ASB3: variants seen among roughly 807,000 people sequenced by gnomAD.
The protein encoded by ASB3 is ankyrin repeat and SOCS box protein 3.
A neutral mutation model predicts 54.5 loss-of-function variants in ASB3; 41 were observed. The ratio of observed to expected loss-of-function variants is 0.75; its 90% CI spans 0.59 to 0.98. ASB3 has a LOEUF of 0.98. Among genes scored for constraint, ASB3 ranks in the 50% least tolerant of loss-of-function variants. The pLI is 0.00. For synonymous variants in ASB3, 266 were observed against 221.2 expected, an observed-to-expected ratio of 1.20 and a Z score of -1.80; for missense variants, 733 against 620.0, an observed-to-expected ratio of 1.18 and a Z score of -1.94.
At chr2:53,727,789 G>A (rs1342042123) in intron 5 of ASB3, among the ~76,000 whole-genome samples, 1 of 152,036 alleles carries the variant, frequency 6.6e-6, no homozygotes, top group Non-Finnish European at 1.5e-5. Flanking sequence ...GCAGTGGTAC[G>A]ATCTCAGCTC....
At chr2:53,694,763 A>G (rs1669096796) in intron 8 of ASB3, among the ~76,000 whole-genome samples, 1 of 152,126 alleles carries the variant, frequency 6.6e-6, no homozygotes, top group African/African-American at 2.4e-5. Context: ...GAATTATTTA[A>G]ACTCTCGCTC....
intron 5 of ASB3, among the ~76,000 whole-genome samples, chr2:53,718,747 C>A (rs530421637): frequency 1.3e-5 from 2 of 150,788 alleles, no homozygotes; most frequent in African/African-American, 4.9e-5. Flanking sequence ...AAAAGGCACA[C>A]AGCTGCAATT....
rs1667967164 is a variant in ASB3 at position 53,674,274 on chromosome 2, T to A, written c.1370-3584A>T. Reference sequence around the variant, plus strand: ...ATGACGTCTGAAACCATGCTACACTTCTAAGTCACTTTTCTGACCCAATCA... The same window carrying A: ...ATGACGTCTGAAACCATGCTACACTACTAAGTCACTTTTCTGACCCAATCA... On this transcript the variant is annotated intron_variant, in intron 9 of 9. Coordinates refer to ENST00000263634, the MANE Select transcript of ASB3 (RefSeq NM_016115.5). Among the ~76,000 whole-genome samples the A allele has an allele frequency of 3.3e-5, 5 of 152,202 alleles. 1 individual carries two copies. The South Asian group carries it at 1.0e-3, about 32-fold the overall frequency.
intron 7 of ASB3, among the ~76,000 whole-genome samples, chr2:53,705,991 A>T (rs1353862107): frequency 5.3e-5 from 8 of 152,032 alleles, no homozygotes; most frequent in Non-Finnish European, 1.0e-4. Context: ...GAGACCAAAG[A>T]CTCTCTCACC....
chr2:53,774,067 C>A, intron 1 of ASB3: 1 of 1,385,562 alleles, frequency 7.2e-7, no homozygotes, highest in Non-Finnish European at 9.9e-7. Flanking sequence ...TGAGATACTC[C>A]CTTAGATCAC....
chr2:53,774,558 A>G (rs1435847091), intron 1 of ASB3: 2 of 1,425,680 alleles, frequency 1.4e-6, no homozygotes, highest in Admixed American at 5.1e-5. Flanking sequence ...TCAGTGCACA[A>G]TGACAATATG....
chr2:53,780,199 T>C (rs1451301115), intron 1 of ASB3, among the ~76,000 whole-genome samples: 1 of 152,194 alleles, frequency 6.6e-6, no homozygotes, highest in Non-Finnish European at 1.5e-5. Flanking sequence ...AATCCTTTAA[T>C]CTGGCATTCA....
At chr2:53,757,197 C>A (rs1028097058) in intron 2 of ASB3, among the ~76,000 whole-genome samples, 1 of 152,172 alleles carries the variant, frequency 6.6e-6, no homozygotes, top group African/African-American at 2.4e-5. Context: ...AGGAAAATAC[C>A]GGGCACCTGT....
At chr2:53,770,615 A>T (rs1484498269) in intron 1 of ASB3, among the ~76,000 whole-genome samples, 1 of 152,160 alleles carries the variant, frequency 6.6e-6, no homozygotes, top group Non-Finnish European at 1.5e-5. Flanking sequence ...TTTATAAGCA[A>T]AGACTGTTTT....
At chr2:53,762,152 G>A (rs1673179710) in intron 2 of ASB3, among the ~76,000 whole-genome samples, 1 of 151,610 alleles carries the variant, frequency 6.6e-6, no homozygotes, top group South Asian at 2.1e-4. Context: ...GGTATTAATG[G>A]TAGTGAGAAG....
At chr2:53,770,539 T>C (rs557427605) in intron 1 of ASB3, among the ~76,000 whole-genome samples, 1 of 148,432 alleles carries the variant, frequency 6.7e-6, no homozygotes, top group African/African-American at 2.5e-5. Flanking sequence ...CAGGCACTGA[T>C]AGGTGTCACC....
At chr2:53,757,194 T>C (rs997824222) in intron 2 of ASB3, among the ~76,000 whole-genome samples, 2 of 152,214 alleles carry the variant, frequency 1.3e-5, no homozygotes, top group African/African-American at 4.8e-5. Flanking sequence ...TGGAGGAAAA[T>C]ACCGGGCACC....
At chr2:53,740,316 T>A (rs1008102538) in intron 3 of ASB3, among the ~76,000 whole-genome samples, 5 of 152,232 alleles carry the variant, frequency 3.3e-5, no homozygotes, top group African/African-American at 1.2e-4. Flanking sequence ...AAGGAACATT[T>A]GTAAGAACAT....
At chr2:53,747,337 G>T (rs1672281546) in intron 3 of ASB3, among the ~76,000 whole-genome samples, 3 of 152,176 alleles carry the variant, frequency 2.0e-5, no homozygotes, top group African/African-American at 7.2e-5. Flanking sequence ...CCTGAGGTCA[G>T]GAGTTCCAGA....
In ASB3 at chr2:53,700,332, C is replaced by T; in HGVS notation, c.1177G>A (p.Glu393Lys). ...GCAACCAGAAGATGTGGCAACCACT[C>T]CTTATATTTTGCTTGTGCTTTAATT... ...HAIKAQAKYKEWLPHLLVAGF... is the reference protein window; with the variant it reads ...HAIKAQAKYKKWLPHLLVAGF... Residue 393 changes from glutamate (E) to lysine (K), a missense_variant, in exon 8 of 10, where the codon GAG (glutamate) becomes AAG (lysine). Physicochemically the swap from Glu to Lys is moderately conservative, Grantham distance 56. Transcript: ENST00000263634. 1 of 1,614,082 alleles carries T rather than the reference C, an allele frequency of 6.2e-7. No homozygotes were observed. The highest frequency in any genetic ancestry group is 1.1e-5 in the South Asian group (1 of 91,082).
chr2:53,715,094 A>G (rs1483832699), intron 6 of ASB3, among the ~76,000 whole-genome samples: 1 of 152,114 alleles, frequency 6.6e-6, no homozygotes, highest in Non-Finnish European at 1.5e-5. Context: ...AGAAATTATA[A>G]TTTGTGCTAA....
At chr2:53,728,539 T>G (rs992367338) in intron 5 of ASB3, among the ~76,000 whole-genome samples, 173 bp downstream of exon 5, 4 of 152,196 alleles carry the variant, frequency 2.6e-5, no homozygotes, top group African/African-American at 9.7e-5. Flanking sequence ...TTGTTAGTAA[T>G]AGATACTTAA....
intron 2 of ASB3, among the ~76,000 whole-genome samples, chr2:53,753,158 G>C (rs1444718498): frequency 6.6e-6 from 1 of 152,062 alleles, no homozygotes; most frequent in Non-Finnish European, 1.5e-5. Context: ...CACACTGAGA[G>C]ATAGAGAAAA....
chr2:53,756,184 A>G (rs1049317698), intron 2 of ASB3, among the ~76,000 whole-genome samples: 6 of 152,098 alleles, frequency 3.9e-5, no homozygotes, highest in African/African-American at 1.4e-4. Flanking sequence ...AATTTTTTTA[A>G]TTAAAAAAAT....
Sources: gnomAD v4.1 joint callset for allele counts (sites outside exome capture counted in the v4.1 genomes callset) on GRCh38, gnomAD v4.1.1 for gene constraint, MANE v1.5 for transcripts, NCBI Gene and HGNC (gene_info 2026-07-23, HGNC 2026-07-21) for gene names.